Variants in PINX1 observed in about 807,000 individuals in gnomAD.
PINX1 encodes PIN2 (TERF1) interacting telomerase inhibitor 1.
A neutral mutation model predicts 25.4 loss-of-function variants in PINX1; 34 were observed. The observed-to-expected ratio is 1.34, with a 90% CI of 1.02 to 1.78. The LOEUF is 1.78. PINX1 is among the 40% of genes most tolerant of loss of function. The probability of loss-of-function intolerance (pLI) is 0.00; values close to 1 mark genes in which losing one functional copy is unlikely to be tolerated. For synonymous variants in PINX1, 197 were observed against 147.7 expected, an observed-to-expected ratio of 1.33 and a Z score of -2.42; for missense variants, 592 against 404.9, an observed-to-expected ratio of 1.46 and a Z score of -3.97.
rs760593360 is a variant in PINX1, at chr8:10,820,242, G to C, written c.422C>G (p.Thr141Arg). The C allele has an allele frequency of 3.7e-6, 6 of 1,612,542 alleles. No homozygotes were observed. The South Asian group carries it at 5.5e-5, about 15-fold the overall frequency. ...KGKDLSSRSKTDLDCIFGKRQ... is the reference protein window; with the variant it reads ...KGKDLSSRSKRDLDCIFGKRQ... ...TTTCCCAAAAATGCAGTCAAGATCT[G>C]TTTTGCTCCGAGATGACAGATCCTT... Residue 141 changes from threonine to arginine, a missense_variant, in exon 6 of 7, where the codon ACA becomes AGA. Coordinates refer to ENST00000314787, the MANE Select transcript of PINX1 (RefSeq NM_017884.6).
Position 10,788,953 on chromosome 8 carries a change from G to T in PINX1, c.472-23037C>A, listed in dbSNP as rs531139859. On this transcript the variant is annotated intron_variant, in intron 6 of 6. Coordinates refer to ENST00000314787, the MANE Select transcript of PINX1 (RefSeq NM_017884.6). ...GAACTGGTCCTAACAGGAATATTAT[G>T]TAATACCAGAACTGAGGAGCTCAGG... Among the ~76,000 whole-genome samples the T allele has an allele frequency of 3.5e-5, 5 of 141,088 alleles. No homozygotes were observed. In the East Asian group the frequency reaches 1.2e-3, roughly 33 times the overall value. The allele number at this position is 141,088 out of a possible 152,430, so 92.6% of individuals were successfully genotyped here.
chr8:10,783,420 T>C (rs1801653824), intron 6 of PINX1, among the ~76,000 whole-genome samples: 1 of 152,230 alleles, frequency 6.6e-6, no homozygotes, highest in Non-Finnish European at 1.5e-5. Context: ...CAAAAGGACC[T>C]GTGCTTTCAA....
intron 6 of PINX1, among the ~76,000 whole-genome samples, chr8:10,792,053 C>A (rs907687558): frequency 6.6e-6 from 1 of 152,178 alleles, no homozygotes; most frequent in Non-Finnish European, 1.5e-5. Flanking sequence ...GCAAGGGTAG[C>A]GCTGGAGCTT....
At chr8:10,782,954 A>G (rs934242058) in intron 6 of PINX1, among the ~76,000 whole-genome samples, 29 of 152,234 alleles carry the variant, frequency 1.9e-4, no homozygotes, top group African/African-American at 6.8e-4. Flanking sequence ...TGTCTTTCCT[A>G]TATGCACTGT....
chr8:10,821,500 T>C (rs1415436424), intron 5 of PINX1, among the ~76,000 whole-genome samples: 3 of 152,210 alleles, frequency 2.0e-5, no homozygotes, highest in Non-Finnish European at 4.4e-5. Flanking sequence ...TAAGCCCTCC[T>C]GCTTTTCATT....
chr8:10,809,592 G>A (rs1802562651), intron 6 of PINX1, among the ~76,000 whole-genome samples: 1 of 152,294 alleles, frequency 6.6e-6, no homozygotes, highest in African/African-American at 2.4e-5. Context: ...TGCACTGTGG[G>A]TTCTCTAAGC....
chr8:10,801,474 C>T (rs1445962469), intron 6 of PINX1, among the ~76,000 whole-genome samples: 1 of 152,214 alleles, frequency 6.6e-6, no homozygotes, highest in Non-Finnish European at 1.5e-5. Flanking sequence ...AAGATCAGAG[C>T]AGGTATGGTG....
intron 6 of PINX1, among the ~76,000 whole-genome samples, chr8:10,804,159 C>G (rs1006781939): frequency 2.0e-5 from 3 of 152,186 alleles, no homozygotes; most frequent in Non-Finnish European, 4.4e-5. Context: ...AGACAGTAAT[C>G]AGCAAATTCA....
chr8:10,773,581 T>C (rs144726275), intron 6 of PINX1, among the ~76,000 whole-genome samples: 2 of 152,312 alleles, frequency 1.3e-5, no homozygotes, highest in East Asian at 1.9e-4. Context: ...TGGACTTTAG[T>C]AGAGAAATAC....
intron 6 of PINX1, among the ~76,000 whole-genome samples, chr8:10,797,715 T>C (rs538087630): frequency 2.0e-5 from 3 of 152,354 alleles, no homozygotes; most frequent in East Asian, 3.9e-4. Flanking sequence ...CAAACCACCT[T>C]TTCATACCTT....
chr8:10,787,821 A>G (rs779890475), intron 6 of PINX1: 62 of 456,088 alleles, frequency 1.4e-4, no homozygotes, highest in Admixed American at 2.4e-4. Context: ...GACTTCAACA[A>G]TAAACTGCAA....
At chr8:10,766,229 G>C (rs1451149161) in intron 6 of PINX1, among the ~76,000 whole-genome samples, 1 of 152,214 alleles carries the variant, frequency 6.6e-6, no homozygotes, top group Admixed American at 6.5e-5. Context: ...ATGGAATTCT[G>C]AGTAAATGTC....
At chr8:10,816,669 G>C (rs759598246) in intron 6 of PINX1, among the ~76,000 whole-genome samples, 2 of 152,166 alleles carry the variant, frequency 1.3e-5, no homozygotes, top group Non-Finnish European at 2.9e-5. Flanking sequence ...ACAAAGTTAC[G>C]ATACAGCATC....
chr8:10,838,513 G>A (rs978129956), intron 1 of PINX1, among the ~76,000 whole-genome samples: 4 of 152,170 alleles, frequency 2.6e-5, no homozygotes, highest in Admixed American at 6.5e-5. Flanking sequence ...ATTAAGAGAA[G>A]ATTTTGTGGC....
At chr8:10,766,883 G>C (rs1452762782) in intron 6 of PINX1, among the ~76,000 whole-genome samples, 1 of 152,192 alleles carries the variant, frequency 6.6e-6, no homozygotes, top group Non-Finnish European at 1.5e-5. Context: ...TCGCCATTTG[G>C]GCTGAGGCTG....
rs1363718415 is a variant in PINX1, at chr8:10,834,733, GCAGTGTTCTGAGGATCCA to G, written c.44_61del (p.Val15_Thr20del). On this transcript the variant is annotated inframe_deletion, in exon 2 of 7. Coordinates refer to ENST00000314787, the MANE Select transcript of PINX1 (RefSeq NM_017884.6). ...AAACTTGGAATCGTCATTACTCCAG[GCAGTGTTCTGAGGATCCA>G]CAGCCCACTTCTGCTTCCGCCGACC... 3.1e-6 allele frequency: 5 copies of G among 1,613,734 alleles called. No homozygotes were observed. Among genetic ancestry groups the G allele is most frequent in the Non-Finnish European group, 4.2e-6 (5 of 1,179,794 alleles).
chr8:10,823,515 A>G (rs926775637), intron 5 of PINX1, among the ~76,000 whole-genome samples: 4 of 151,798 alleles, frequency 2.6e-5, no homozygotes, highest in African/African-American at 9.7e-5. Flanking sequence ...GACCTTTTGC[A>G]TTAAAAAAAA....
At chr8:10,812,930 T>C (rs1327797882) in intron 6 of PINX1, among the ~76,000 whole-genome samples, 1 of 152,252 alleles carries the variant, frequency 6.6e-6, no homozygotes, top group East Asian at 1.9e-4. Context: ...CTAATTTTCA[T>C]CTAGCTGCTA....
intron 5 of PINX1, among the ~76,000 whole-genome samples, chr8:10,821,084 G>A (rs574852060): frequency 2.1e-4 from 32 of 152,202 alleles, no homozygotes; most frequent in Non-Finnish European, 2.1e-4. Context: ...CATGGTAAAT[G>A]CATTTTAAAA....
Sources: allele counts gnomAD v4.1 joint callset (sites outside exome capture counted in the v4.1 genomes callset), GRCh38; gene constraint gnomAD v4.1.1; transcripts MANE v1.5; gene names NCBI Gene and HGNC (gene_info 2026-07-23, HGNC 2026-07-21).